TAFA1: variants seen among roughly 807,000 people sequenced by gnomAD.
TAFA1 encodes the protein TAFA chemokine like family member 1, also known as chemokine-like protein TAFA-1.
Under a neutral mutation model 18.5 loss-of-function variants are expected in TAFA1, and 4 were observed. The observed-to-expected ratio is 0.22, with a 90% CI of 0.11 to 0.49. The LOEUF is 0.49. Among genes scored for constraint, TAFA1 ranks in the 20% least tolerant of loss-of-function variants. The pLI is 0.98. For synonymous variants in TAFA1, 56 were observed against 55.2 expected (o/e 1.01, Z -0.06); for missense variants, 147 against 169.0 (o/e 0.87, Z 0.72).
chr3:68,082,176 G>T (rs934891780), intron 2 of TAFA1, among the ~76,000 whole-genome samples: 3 of 143,396 alleles, frequency 2.1e-5, no homozygotes, highest in Admixed American at 6.7e-5. Flanking sequence ...TTCGGCTCGC[G>T]CATGGTGTGC....
At chr3:68,446,317 T>C (rs2071473213) in intron 3 of TAFA1, among the ~76,000 whole-genome samples, 1 of 152,234 alleles carries the variant, frequency 6.6e-6, no homozygotes, top group East Asian at 1.9e-4. Flanking sequence ...GGAGAGCATA[T>C]GGCCTGCAAA....
intron 2 of TAFA1, among the ~76,000 whole-genome samples, chr3:68,327,042 G>A (rs1365730149): frequency 1.3e-5 from 2 of 152,286 alleles, no homozygotes; most frequent in Admixed American, 6.5e-5. Flanking sequence ...TCTTTCCTGT[G>A]CTATTCTAGT....
At chr3:68,053,655 G>T (rs896809710) in intron 2 of TAFA1, among the ~76,000 whole-genome samples, 1 of 152,078 alleles carries the variant, frequency 6.6e-6, no homozygotes, top group Non-Finnish European at 1.5e-5. Context: ...CAGCAAAGCA[G>T]AGCCACAAAA....
Position 68,179,707 on chromosome 3 carries a change from G to A in TAFA1, c.118+172963G>A, listed in dbSNP as rs538074690. On this transcript the variant is annotated intron_variant, in intron 2 of 4. Coordinates refer to ENST00000478136, the MANE Select transcript of TAFA1 (RefSeq NM_213609.4). The stretch of plus-strand genomic sequence containing the variant: ...TAATCTGCCTCTTCTTGATGTAACC[G>A]CACAATGCTAGAATTTTTCACTTAT... Among the ~76,000 whole-genome samples, 20 of 152,122 alleles carry A rather than the reference G, an allele frequency of 1.3e-4. 1 individual carries two copies. In the South Asian group the frequency reaches 2.5e-3, roughly 19 times the overall value.
chr3:68,335,021 G>T (rs1361229327), intron 2 of TAFA1, among the ~76,000 whole-genome samples: 1 of 152,170 alleles, frequency 6.6e-6, no homozygotes, highest in Admixed American at 6.5e-5. Flanking sequence ...CCATAGATTA[G>T]TGAACCTTAG....
chr3:68,277,083 G>A (rs1255780114), intron 2 of TAFA1, among the ~76,000 whole-genome samples: 1 of 151,964 alleles, frequency 6.6e-6, no homozygotes, highest in East Asian at 1.9e-4. Flanking sequence ...TGCTAAGGCT[G>A]GAAATACATG....
chr3:68,207,951 G>C (rs73095485), intron 2 of TAFA1, among the ~76,000 whole-genome samples: 1,585 of 151,994 alleles, frequency 0.01, 13 homozygotes, highest in Non-Finnish European at 0.016. Context: ...AATTGGAAAA[G>C]TACCTTCTGC....
intron 2 of TAFA1, among the ~76,000 whole-genome samples, chr3:68,385,643 A>G (rs112110548): frequency 6.4e-4 from 98 of 152,232 alleles, no homozygotes; most frequent in Non-Finnish European, 1.1e-3. Context: ...TGCTATGACT[A>G]GATTTATTCA....
chr3:68,454,143 C>G (rs1559676387), intron 3 of TAFA1, among the ~76,000 whole-genome samples: 1 of 152,142 alleles, frequency 6.6e-6, no homozygotes. Context: ...GTAGTTGACA[C>G]AGGAATTATA....
At chr3:68,304,475 TGTATC>T (rs1417860356) in intron 2 of TAFA1, among the ~76,000 whole-genome samples, 1 of 152,228 alleles carries the variant, frequency 6.6e-6, no homozygotes, top group Admixed American at 6.5e-5. Context: ...GATTTGAATC[TGTATC>T]ATGTTCTATG....
At chr3:68,142,785 A>G (rs1300227723) in intron 2 of TAFA1, among the ~76,000 whole-genome samples, 2 of 152,220 alleles carry the variant, frequency 1.3e-5, no homozygotes, top group East Asian at 1.9e-4. Context: ...TCTCAGAGGC[A>G]GCTCATTTCC....
At chr3:68,320,865 C>T (rs529951969) in intron 2 of TAFA1, among the ~76,000 whole-genome samples, 1 of 152,200 alleles carries the variant, frequency 6.6e-6, no homozygotes, top group Non-Finnish European at 1.5e-5. Context: ...ACCTCCTTCT[C>T]CCCTGGTCTG....
At chr3:68,033,989 A>G (rs901561434) in intron 2 of TAFA1, among the ~76,000 whole-genome samples, 25 of 152,180 alleles carry the variant, frequency 1.6e-4, no homozygotes, top group African/African-American at 6.0e-4. Context: ...CACTGTAAGG[A>G]AGCAAAGCTG....
chr3:68,383,566 T>G (rs1482540740), intron 2 of TAFA1, among the ~76,000 whole-genome samples: 1 of 152,198 alleles, frequency 6.6e-6, no homozygotes, highest in Non-Finnish European at 1.5e-5. Flanking sequence ...TACGATGTGC[T>G]GCTGGATTCA....
At chr3:68,024,898 C>T (rs1704781920) in intron 2 of TAFA1, among the ~76,000 whole-genome samples, 1 of 151,694 alleles carries the variant, frequency 6.6e-6, no homozygotes, top group Admixed American at 6.6e-5. Context: ...GTTGCCTTAG[C>T]AACCATGAAG....
At chr3:68,447,605 G>A (rs775856751) in intron 3 of TAFA1, among the ~76,000 whole-genome samples, 2 of 152,198 alleles carry the variant, frequency 1.3e-5, no homozygotes, top group East Asian at 3.8e-4. Context: ...ACAGTTAGAT[G>A]GGTGTGGATG....
chr3:68,374,061 A>G (rs1040213389), intron 2 of TAFA1, among the ~76,000 whole-genome samples: 1 of 152,184 alleles, frequency 6.6e-6, no homozygotes, highest in Non-Finnish European at 1.5e-5. Flanking sequence ...ACTCAGAAAT[A>G]GACCAAAGAT....
rs763669468 is a variant in TAFA1, at chr3:68,006,733, T to C, written c.107T>C (p.Leu36Pro). 1 of 1,613,254 alleles carries C rather than the reference T, an allele frequency of 6.2e-7. No individual in the cohort carries two copies. The highest frequency in any genetic ancestry group is 8.5e-7 in the Non-Finnish European group (1 of 1,179,148). Residue 36 changes from leucine to proline, a missense_variant, in exon 2 of 5, where the codon CTG becomes CCG. Physicochemically the swap from Leu to Pro is moderately conservative, Grantham distance 98 (BLOSUM62 -3). Coordinates refer to ENST00000478136, the MANE Select transcript of TAFA1 (RefSeq NM_213609.4). ...CAGCACACTTTCCAGCAGCATCACCTGCACAGACCAGGTAAGTCAGGAGCT... is the reference window on the plus strand; with the variant it reads ...CAGCACACTTTCCAGCAGCATCACCCGCACAGACCAGGTAAGTCAGGAGCT... ...SLQHTFQQHH[L>P]HRPEGGTCEV...
intron 3 of TAFA1, among the ~76,000 whole-genome samples, chr3:68,504,193 C>T (rs1370368986): frequency 6.6e-6 from 1 of 152,132 alleles, no homozygotes; most frequent in Non-Finnish European, 1.5e-5. Flanking sequence ...CTGTCGTAAA[C>T]ATTATTCCAT....
Sources: allele counts gnomAD v4.1 joint callset (sites outside exome capture counted in the v4.1 genomes callset), GRCh38; gene constraint gnomAD v4.1.1; transcripts MANE v1.5; gene names NCBI Gene and HGNC (gene_info 2026-07-23, HGNC 2026-07-21).